Variants in NRG3 observed in about 807,000 individuals in gnomAD.
The protein encoded by NRG3 is pro-neuregulin-3, membrane-bound isoform.
In NRG3, 31 loss-of-function variants were observed where a neutral mutation model predicts 66.9. That is an observed-to-expected ratio of 0.46 (90% CI 0.35 to 0.63). The LOEUF (loss-of-function observed/expected upper bound fraction) is 0.63, where lower values mean the gene tolerates loss of function less well. NRG3 is among the 20% of genes least tolerant of loss of function. The pLI, the probability that NRG3 is intolerant of heterozygous loss-of-function variation, is 0.00. For missense variants in NRG3, 910 were observed against 878.9 expected, an observed-to-expected ratio of 1.04 and a Z score of -0.45; for synonymous variants, 393 against 359.4, an observed-to-expected ratio of 1.09 and a Z score of -1.06.
intron 4 of NRG3, among the ~76,000 whole-genome samples, chr10:82,922,059 A>G (rs1846471074): frequency 6.6e-6 from 1 of 152,046 alleles, no homozygotes; most frequent in Admixed American, 6.6e-5. Flanking sequence ...TTTTTCATTA[A>G]AAGATAAGCT....
At chr10:82,634,086 G>A (rs1015442372) in intron 2 of NRG3, among the ~76,000 whole-genome samples, 3 of 152,124 alleles carry the variant, frequency 2.0e-5, no homozygotes, top group African/African-American at 7.2e-5. Context: ...TAGCAGCATG[G>A]GCCTTTGTTG....
chr10:82,151,781 T>A (rs1487452399), intron 1 of NRG3, among the ~76,000 whole-genome samples: 1 of 152,154 alleles, frequency 6.6e-6, no homozygotes, highest in Non-Finnish European at 1.5e-5. Flanking sequence ...CACTGTCCCA[T>A]AAAAAAAGCA....
chr10:82,371,744 TTC>T (rs2084909693), intron 2 of NRG3, among the ~76,000 whole-genome samples: 1 of 152,156 alleles, frequency 6.6e-6, no homozygotes, highest in Admixed American at 6.5e-5. Context: ...CTCAGGGTGC[TTC>T]CACTCCTGGA....
Position 82,322,387 on chromosome 10 carries a change from GATAA to G in NRG3, c.824-36346_824-36343del, listed in dbSNP as rs1342718289. The stretch of plus-strand genomic sequence containing the variant: ...TGAAGAATATGTAAGTAGGGATTGT[GATAA>G]ATAAAGTTCAAATAATATGAGATTA... On this transcript the variant is annotated intron_variant, in intron 1 of 8. Coordinates refer to ENST00000372141, the MANE Select transcript of NRG3 (RefSeq NM_001010848.4). Among the ~76,000 whole-genome samples the G allele has an allele frequency of 2.0e-5, 3 of 152,194 alleles. No homozygotes were observed. In the East Asian group the frequency reaches 5.8e-4, roughly 29 times the overall value.
intron 2 of NRG3, among the ~76,000 whole-genome samples, chr10:82,619,173 A>G (rs1590898921): frequency 6.6e-6 from 1 of 152,152 alleles, no homozygotes; most frequent in East Asian, 1.9e-4. Context: ...TAAGTTAGAG[A>G]AAATTGGACA....
chr10:82,540,052 A>G (rs2043431252), intron 2 of NRG3, among the ~76,000 whole-genome samples: 1 of 151,944 alleles, frequency 6.6e-6, no homozygotes, highest in African/African-American at 2.4e-5. Context: ...TCTTACTCCA[A>G]TTTTGCTCTA....
chr10:81,879,912 C>T (rs866851112), intron 1 of NRG3, among the ~76,000 whole-genome samples: 7 of 152,122 alleles, frequency 4.6e-5, no homozygotes, highest in African/African-American at 1.7e-4. Context: ...CTACATGAGT[C>T]GAGGCCTTTA....
chr10:82,254,986 A>G (rs2077649650), intron 1 of NRG3, among the ~76,000 whole-genome samples: 1 of 152,222 alleles, frequency 6.6e-6, no homozygotes, highest in South Asian at 2.1e-4. Flanking sequence ...CCTGAAGAGT[A>G]CACAGGGAAA....
intron 3 of NRG3, among the ~76,000 whole-genome samples, chr10:82,767,213 C>T (rs907157927): frequency 6.6e-6 from 1 of 151,922 alleles, no homozygotes; most frequent in African/African-American, 2.4e-5. Context: ...ACCTTGTCTC[C>T]TGGAGCACCC....
At chr10:82,008,538 A>G (rs1372122163) in intron 1 of NRG3, among the ~76,000 whole-genome samples, 1 of 152,190 alleles carries the variant, frequency 6.6e-6, no homozygotes, top group African/African-American at 2.4e-5. Flanking sequence ...CTGGTTAATT[A>G]GGAAAAGTAA....
chr10:81,876,888 G>A (rs1446803619), intron 1 of NRG3, among the ~76,000 whole-genome samples: 1 of 151,774 alleles, frequency 6.6e-6, no homozygotes, highest in Non-Finnish European at 1.5e-5. Flanking sequence ...TATGAAGGGA[G>A]CCCTGCAGAG....
At chr10:82,774,821 C>CTTTTTTTTTTTT (rs992021420) in intron 3 of NRG3, among the ~76,000 whole-genome samples, 43 of 77,980 alleles carry the variant, frequency 5.5e-4, no homozygotes, top group East Asian at 1.1e-3. Context: ...TTTCTTTTTT[C>CTTTTTTTTTTTT]TTTTTTTTTT....
intron 3 of NRG3, among the ~76,000 whole-genome samples, chr10:82,782,290 A>G (rs1360261475): frequency 6.6e-6 from 1 of 152,130 alleles, no homozygotes; most frequent in African/African-American, 2.4e-5. Context: ...TAAAAGGGTA[A>G]GCTCAGCCCC....
intron 1 of NRG3, among the ~76,000 whole-genome samples, chr10:82,351,405 T>A (rs2083430972): frequency 6.6e-6 from 1 of 152,214 alleles, no homozygotes; most frequent in African/African-American, 2.4e-5. Flanking sequence ...AGAAAATTGC[T>A]TAGGAAACAT....
chr10:82,393,912 G>A (rs1318793267), intron 2 of NRG3, among the ~76,000 whole-genome samples: 2 of 152,132 alleles, frequency 1.3e-5, no homozygotes, highest in Non-Finnish European at 2.9e-5. Flanking sequence ...TATGCAGAGG[G>A]TATTTTGTGT....
At chr10:82,102,108 G>A (rs1298698602) in intron 1 of NRG3, among the ~76,000 whole-genome samples, 7 of 74,460 alleles carry the variant, frequency 9.4e-5, no homozygotes, top group East Asian at 8.2e-4. Context: ...ATATATATGT[G>A]TATTCATATA....
chr10:82,430,606 C>T (rs544235306), intron 2 of NRG3, among the ~76,000 whole-genome samples: 14 of 152,248 alleles, frequency 9.2e-5, no homozygotes, highest in Admixed American at 1.3e-4. Context: ...AATATGCCAA[C>T]ATTGTAAATC....
chr10:82,144,663 A>G lies in NRG3; in HGVS notation c.824-214076A>G, dbSNP rs566834278. ...GGAGATCAGTGCTCAGCCTTCCCCA[A>G]CAGATGCACAATGTTTTGTAGCAGG... is the stretch of plus-strand genomic sequence containing the variant. On this transcript the variant is annotated intron_variant, in intron 1 of 8. Transcript: ENST00000372141. 2.9e-3 allele frequency among the ~76,000 whole-genome samples: 438 copies of G among 152,314 alleles called. 2 individuals are homozygous for G. The highest frequency in any genetic ancestry group is 0.01 in the African/African-American group (426 of 41,576).
At chr10:82,847,221 C>T (rs770476637) in intron 3 of NRG3, among the ~76,000 whole-genome samples, 1 of 152,140 alleles carries the variant, frequency 6.6e-6, no homozygotes, top group Non-Finnish European at 1.5e-5. Context: ...CTGAAAGCCC[C>T]ATTTGGAAAT....
Sources: gnomAD v4.1 joint callset for allele counts (sites outside exome capture counted in the v4.1 genomes callset) on GRCh38, gnomAD v4.1.1 for gene constraint, MANE v1.5 for transcripts, NCBI Gene and HGNC (gene_info 2026-07-23, HGNC 2026-07-21) for gene names.